The following SESTD1 variants were observed in gnomAD, a reference collection of about 807,000 sequenced individuals.
SESTD1 encodes the protein SEC14 and spectrin domain containing 1.
A neutral mutation model predicts 101.7 loss-of-function variants in SESTD1; 43 were observed. The observed-to-expected ratio is 0.42, with a 90% confidence interval of 0.33 to 0.55. The LOEUF (loss-of-function observed/expected upper bound fraction) is 0.55. Among genes scored for constraint, SESTD1 ranks in the 20% least tolerant of loss-of-function variants. The pLI, the probability that SESTD1 is intolerant of heterozygous loss-of-function variation, is 0.07. For missense variants in SESTD1, 647 were observed against 815.1 expected (o/e 0.79, Z 2.51); for synonymous variants, 283 against 286.8 (o/e 0.99, Z 0.13).
chr2:179,102,487 C>A lies in SESTD1; in HGVS notation c.*7412G>T, dbSNP rs1331094215. ...CTTATTGTCCAAAGTGACAATATAT[C>A]AAAGAAATACATACCAAAACCTGCT... On this transcript the variant is annotated 3_prime_UTR_variant, in exon 18 of 18. Transcript: ENST00000428443. The A allele has an allele frequency of 6.6e-6, 1 of 150,952 alleles. No individual in the cohort carries two copies. Among genetic ancestry groups the A allele is most frequent in the Non-Finnish European group, 1.5e-5 (1 of 67,992 alleles). The allele number at this position is 150,952 out of a possible 1,614,324, so 9.4% of individuals were successfully genotyped here.
chr2:179,126,695 C>A (rs1328904704), intron 10 of SESTD1, among the ~76,000 whole-genome samples: 1 of 152,124 alleles, frequency 6.6e-6, no homozygotes, highest in Non-Finnish European at 1.5e-5. Context: ...TCCCATGAAC[C>A]CCAGATACTG....
At chr2:179,181,406 G>A (rs1009411599) in intron 3 of SESTD1, among the ~76,000 whole-genome samples, 3 of 152,190 alleles carry the variant, frequency 2.0e-5, no homozygotes, top group Non-Finnish European at 4.4e-5. Flanking sequence ...CTCCAATGCT[G>A]AAGGAAAACC....
chr2:179,133,042 T>G (rs1358597426), intron 9 of SESTD1, among the ~76,000 whole-genome samples: 1 of 152,154 alleles, frequency 6.6e-6, no homozygotes, highest in Non-Finnish European at 1.5e-5. Context: ...CCTCTTGGAC[T>G]CTTCTTAGGA....
chr2:179,205,856 T>C (rs1420756880), intron 1 of SESTD1, among the ~76,000 whole-genome samples: 1 of 134,456 alleles, frequency 7.4e-6, no homozygotes, highest in Non-Finnish European at 1.6e-5. Flanking sequence ...TCAATCTCTT[T>C]CACTGTTGTC....
chr2:179,231,804 G>C (rs2105538928), intron 1 of SESTD1, among the ~76,000 whole-genome samples: 1 of 151,578 alleles, frequency 6.6e-6, no homozygotes, highest in Admixed American at 6.6e-5. Context: ...GGAAGCAAGA[G>C]TAATGATCTT....
At chr2:179,115,839 C>A (rs112256507) in intron 15 of SESTD1, among the ~76,000 whole-genome samples, 5 of 152,176 alleles carry the variant, frequency 3.3e-5, no homozygotes, top group African/African-American at 1.2e-4. Flanking sequence ...CCATCGCAGT[C>A]TGCTTAAATT....
intron 1 of SESTD1, among the ~76,000 whole-genome samples, chr2:179,253,527 A>G (rs1300263026): frequency 2.0e-5 from 3 of 152,230 alleles, no homozygotes; most frequent in Non-Finnish European, 4.4e-5. Flanking sequence ...TCTAAAACAA[A>G]AAGTATATTT....
At chr2:179,210,970 G>A (rs2046643612) in intron 1 of SESTD1, among the ~76,000 whole-genome samples, 1 of 133,252 alleles carries the variant, frequency 7.5e-6, no homozygotes, top group Admixed American at 7.3e-5. Context: ...ATTCAATAAA[G>A]TTTCAGGATA....
At chr2:179,160,736 G>C (rs1342374537) in intron 5 of SESTD1, among the ~76,000 whole-genome samples, 5 of 151,854 alleles carry the variant, frequency 3.3e-5, no homozygotes, top group Admixed American at 2.6e-4. Context: ...CTTTAGACTA[G>C]CCTATTGTGA....
At chr2:179,188,646 A>T (rs1373810871) in intron 2 of SESTD1, among the ~76,000 whole-genome samples, 1 of 152,136 alleles carries the variant, frequency 6.6e-6, no homozygotes, top group African/African-American at 2.4e-5. Flanking sequence ...CCTGTCTCAA[A>T]AAAAGGGGTG....
At chr2:179,180,798 T>C (rs1390179478) in intron 3 of SESTD1, among the ~76,000 whole-genome samples, 2 of 152,162 alleles carry the variant, frequency 1.3e-5, no homozygotes, top group African/African-American at 2.4e-5. Flanking sequence ...AACTGCTCTC[T>C]AGCATCGCAA....
chr2:179,197,403 G>T (rs921472154), intron 1 of SESTD1, among the ~76,000 whole-genome samples: 3 of 152,302 alleles, frequency 2.0e-5, no homozygotes, highest in Middle Eastern at 6.8e-3. Flanking sequence ...TTATCCAGGA[G>T]AACTTCCCCA....
At chr2:179,136,352 T>C (rs113269301) in intron 9 of SESTD1, among the ~76,000 whole-genome samples, 2 of 152,288 alleles carry the variant, frequency 1.3e-5, no homozygotes, top group African/African-American at 2.4e-5. Flanking sequence ...CTTTATGGAG[T>C]TTATTTCACA....
intron 5 of SESTD1, among the ~76,000 whole-genome samples, chr2:179,164,579 A>G (rs939841355): frequency 5.3e-5 from 8 of 152,190 alleles, no homozygotes; most frequent in Admixed American, 5.2e-4. Flanking sequence ...GTACTTGAAT[A>G]TAATATCTGA....
chr2:179,122,017 T>C, intron 12 of SESTD1, 88 bp from the exon 13 acceptor site: 1 of 1,345,722 alleles, frequency 7.4e-7, no homozygotes, highest in South Asian at 1.6e-5. Flanking sequence ...ATATTGTACC[T>C]GGATCCCAAG....
chr2:179,176,578 C>T, intron 3 of SESTD1, 40 bp from the exon 4 acceptor site: 1 of 1,533,418 alleles, frequency 6.5e-7, no homozygotes, highest in Non-Finnish European at 9.0e-7. Flanking sequence ...AAACAAGCTC[C>T]AGATTTCGTT....
chr2:179,117,180 A>C (rs1471156285), intron 14 of SESTD1, among the ~76,000 whole-genome samples: 1 of 152,208 alleles, frequency 6.6e-6, no homozygotes, highest in East Asian at 1.9e-4. Flanking sequence ...CAAATTGTTT[A>C]TCTGGTATTG....
At chr2:179,153,841 G>T (rs903998892) in intron 5 of SESTD1, among the ~76,000 whole-genome samples, 9 of 152,150 alleles carry the variant, frequency 5.9e-5, no homozygotes, top group Middle Eastern at 3.4e-3. Flanking sequence ...ACATCAATAA[G>T]AATAATAAAT....
intron 1 of SESTD1, among the ~76,000 whole-genome samples, chr2:179,263,131 C>T (rs2047505831): frequency 6.6e-6 from 1 of 152,150 alleles, no homozygotes; most frequent in Admixed American, 6.5e-5. Context: ...AACATAAAAA[C>T]AGCCTATAGA....
Sources: gnomAD v4.1 joint callset for allele counts (sites outside exome capture counted in the v4.1 genomes callset) on GRCh38, gnomAD v4.1.1 for gene constraint, MANE v1.5 for transcripts, NCBI Gene and HGNC (gene_info 2026-07-23, HGNC 2026-07-21) for gene names.